Variants in SEMA5A observed in about 807,000 individuals in gnomAD.
The protein encoded by SEMA5A is semaphorin 5A.
SEMA5A carries 55 observed loss-of-function variants against 135.5 expected under a neutral mutation model. The observed-to-expected ratio is 0.41, with a 90% confidence interval of 0.33 to 0.51. The LOEUF (loss-of-function observed/expected upper bound fraction) is 0.51. Ranked by LOEUF, SEMA5A falls within the 20% of genes least tolerant of loss-of-function variation. SEMA5A has a pLI of 0.37. For synonymous variants in SEMA5A, 580 were observed against 546.5 expected (o/e 1.06, Z -0.85); for missense variants, 1,290 against 1,419.9 (o/e 0.91, Z 1.47).
At position 9,204,343 on chromosome 5, in the gene SEMA5A, A is replaced by G. The variant is rs1745892738; in HGVS notation, c.647-2103T>C. ...CCACCAAAACTTATCAAATACACTC[A>G]CTATTACCCACTTCTGCTATTAACT... is the stretch of plus-strand genomic sequence containing the variant. On this transcript the variant is annotated intron_variant, in intron 8 of 22. Transcript: ENST00000382496. The surrounding 1 kb of genome is among the most constrained non-coding windows in gnomAD (Gnocchi z 6.4). Among the ~76,000 whole-genome samples the G allele has an allele frequency of 6.6e-6, 1 of 152,140 alleles. No homozygotes were observed. Among genetic ancestry groups the G allele is most frequent in the South Asian group, 2.1e-4 (1 of 4,822 alleles).
chr5:9,143,641 A>G (rs1742179636), intron 12 of SEMA5A, among the ~76,000 whole-genome samples: 1 of 152,224 alleles, frequency 6.6e-6, no homozygotes, highest in African/African-American at 2.4e-5. Flanking sequence ...TGATAATTTA[A>G]AAAACAGTGA....
In SEMA5A at chr5:9,337,723, C is replaced by G; in HGVS notation, c.214G>C (p.Val72Leu). 6.2e-7 allele frequency: 1 copy of G among 1,608,912 alleles called. No individual in the cohort carries two copies. The highest frequency in any genetic ancestry group is 8.5e-7 in the Non-Finnish European group (1 of 1,176,458). ...TACAATATCTCTCACCTTGCTCCTA[C>G]AACAAGTTCTTTCTGTCCTGGGTCA... Reference protein sequence around the residue: ...TFDPGQKELVVGARNYLFRLQ... With the variant: ...TFDPGQKELVLGARNYLFRLQ... The change falls in exon 4 of 23, where the codon GTA becomes CTA. Residue 72 changes from valine to leucine, a missense_variant. By Grantham distance (32) the Val-to-Leu change is conservative. Transcript: ENST00000382496.
chr5:9,392,742 T>C (rs980768273), intron 2 of SEMA5A, among the ~76,000 whole-genome samples: 2 of 152,192 alleles, frequency 1.3e-5, no homozygotes, highest in African/African-American at 4.8e-5. Context: ...ATGACCCATA[T>C]AAATATTATC....
chr5:9,350,699 C>A (rs1009525039), intron 3 of SEMA5A, among the ~76,000 whole-genome samples: 4 of 152,172 alleles, frequency 2.6e-5, no homozygotes, highest in African/African-American at 9.7e-5. Flanking sequence ...ATTCATTTTG[C>A]CAAATGTCAT....
rs1561207825 is a variant in SEMA5A, at chr5:9,384,615, GAT to G, written c.-77-4594_-77-4593del. Among the ~76,000 whole-genome samples the G allele has an allele frequency of 5.2e-4, 52 of 100,670 alleles. 3 individuals are homozygous for G. The highest frequency in any genetic ancestry group is 2.0e-3 in the African/African-American group (51 of 26,010). The allele number at this position is 100,670 out of a possible 152,430, so 66.0% of individuals were successfully genotyped here. On this transcript the variant is annotated intron_variant, in intron 2 of 22. Transcript: ENST00000382496. ...AGATAGATAGATAGATAGATAGATA[GAT>G]ACATAGATAGATAGATAGATAGATA...
chr5:9,536,568 G>A (rs764323969), intron 1 of SEMA5A, among the ~76,000 whole-genome samples: 20 of 150,364 alleles, frequency 1.3e-4, no homozygotes, highest in Non-Finnish European at 2.2e-4. Flanking sequence ...AGCCGAGATC[G>A]CACCACTGCA....
chr5:9,426,446 T>TAAAATA (rs1757660259), intron 2 of SEMA5A, among the ~76,000 whole-genome samples: 1 of 147,684 alleles, frequency 6.8e-6, no homozygotes, highest in South Asian at 2.1e-4. Flanking sequence ...TAAAATAAAA[T>TAAAATA]AAAATAAAAT....
chr5:9,047,149 C>CT (rs2150033320), intron 21 of SEMA5A, among the ~76,000 whole-genome samples: 1 of 152,340 alleles, frequency 6.6e-6, no homozygotes, highest in South Asian at 2.1e-4. Flanking sequence ...CTTACTTCTT[C>CT]TCTCTCTGAC....
chr5:9,048,809 CATT>C (rs1406844053), intron 21 of SEMA5A, among the ~76,000 whole-genome samples: 1 of 152,222 alleles, frequency 6.6e-6, no homozygotes, highest in Non-Finnish European at 1.5e-5. Flanking sequence ...GATCTAAAAA[CATT>C]AGAGGGTACT....
chr5:9,436,179 A>G (rs1475183502), intron 2 of SEMA5A, among the ~76,000 whole-genome samples: 11 of 152,214 alleles, frequency 7.2e-5, no homozygotes, highest in African/African-American at 2.7e-4. Context: ...CATCTCACTC[A>G]GCACAGGGCC....
At chr5:9,063,797 G>C (rs972689019) in intron 17 of SEMA5A, among the ~76,000 whole-genome samples, 11 of 152,340 alleles carry the variant, frequency 7.2e-5, no homozygotes, top group African/African-American at 2.6e-4. Flanking sequence ...TGGGGTGAGT[G>C]GGGAGTTGCT....
intron 5 of SEMA5A, among the ~76,000 whole-genome samples, chr5:9,280,365 G>T (rs1750478030): frequency 6.6e-6 from 1 of 152,182 alleles, no homozygotes; most frequent in South Asian, 2.1e-4. Context: ...AGTGGGAAAG[G>T]TCCTTCAAGA....
intron 1 of SEMA5A, among the ~76,000 whole-genome samples, chr5:9,445,701 T>G (rs950761736): frequency 6.4e-4 from 98 of 152,094 alleles, no homozygotes; most frequent in African/African-American, 2.3e-3. Flanking sequence ...AGATTCCCCT[T>G]CACTGAGTCT....
At chr5:9,240,466 C>G (rs1748133498) in intron 5 of SEMA5A, among the ~76,000 whole-genome samples, 2 of 151,810 alleles carry the variant, frequency 1.3e-5, no homozygotes, top group African/African-American at 4.8e-5. Context: ...CCAGATTATA[C>G]TAGAATGGGA....
chr5:9,229,714 A>G (rs1747516395), intron 6 of SEMA5A, among the ~76,000 whole-genome samples: 1 of 152,028 alleles, frequency 6.6e-6, no homozygotes, highest in African/African-American at 2.4e-5. Context: ...AAGATGTAAT[A>G]AAACTTTTTC....
intron 2 of SEMA5A, among the ~76,000 whole-genome samples, chr5:9,436,747 G>A (rs1032657285): frequency 6.6e-6 from 1 of 152,184 alleles, no homozygotes; most frequent in Non-Finnish European, 1.5e-5. Flanking sequence ...GAATGAAATT[G>A]TCACTTTCTC....
intron 4 of SEMA5A, among the ~76,000 whole-genome samples, chr5:9,319,670 C>T: frequency 6.6e-6 from 1 of 152,004 alleles, no homozygotes; most frequent in Non-Finnish European, 1.5e-5. Context: ...CAAGAACATG[C>T]TGGCACATAA....
rs1224150140 is a variant in SEMA5A, at chr5:9,051,954, G to A, written c.2764C>T (p.Leu922Phe). The stretch of plus-strand genomic sequence containing the variant: ...CACTGGCTGCCCATGGGGAACAGGA[G>A]GATGCACTGGCGGGCGCGGACTTGG... ...GVQVRARQCI[L>F]LFPMGSQCSG... is the part of the protein sequence containing the mutation. Residue 922 changes from leucine (L) to phenylalanine (F), a missense_variant, in exon 20 of 23, where the codon CTC becomes TTC. Transcript: ENST00000382496. 2.5e-6 allele frequency: 4 copies of A among 1,614,180 alleles called. No homozygotes were observed. The highest frequency in any genetic ancestry group is 3.4e-6 in the Non-Finnish European group (4 of 1,180,036).
In SEMA5A at chr5:9,425,229, AC is replaced by A. The variant is rs1243516820; in HGVS notation, c.-78+12526del. On this transcript the variant is annotated intron_variant, in intron 2 of 22. Coordinates refer to ENST00000382496, the MANE Select transcript of SEMA5A (RefSeq NM_003966.3). ...GCATAGCACTTAACCACTGGACAAT[AC>A]TTTTTTTATTTATTGTGAACGCAAT... Among the ~76,000 whole-genome samples, 8 of 152,076 alleles carry A rather than the reference AC, an allele frequency of 5.3e-5. No individual in the cohort carries two copies. In the East Asian group the frequency reaches 1.3e-3, roughly 26 times the overall value.
Sources: allele counts gnomAD v4.1 joint callset (sites outside exome capture counted in the v4.1 genomes callset), GRCh38; gene constraint gnomAD v4.1.1; non-coding constraint Gnocchi (gnomAD v3.1); transcripts MANE v1.5; gene names NCBI Gene and HGNC (gene_info 2026-07-23, HGNC 2026-07-21).